Variants in ADCY7 observed in about 807,000 individuals in gnomAD.
ADCY7 encodes adenylate cyclase 7, also known as adenylate cyclase type 7.
Under a neutral mutation model 120.6 loss-of-function variants are expected in ADCY7, and 72 were observed. That is an observed-to-expected ratio of 0.60 (90% CI 0.49 to 0.73). The LOEUF (loss-of-function observed/expected upper bound fraction) is 0.73, where lower values mean the gene tolerates loss of function less well. ADCY7 is among the 30% of genes least tolerant of loss of function. The pLI is 0.00. For synonymous variants in ADCY7, 661 were observed against 628.0 expected, an observed-to-expected ratio of 1.05 and a Z score of -0.78; for missense variants, 1,227 against 1,486.0, an observed-to-expected ratio of 0.83 and a Z score of 2.87.
chr16:50,282,685 C>T (rs1488718797), intron 1 of ADCY7, among the ~76,000 whole-genome samples: 1 of 151,824 alleles, frequency 6.6e-6, no homozygotes, highest in African/African-American at 2.4e-5. Flanking sequence ...GTGATAGGGA[C>T]CCCGGATATC....
chr16:50,311,440 T>A (rs554483422), intron 19 of ADCY7, among the ~76,000 whole-genome samples: 1 of 152,256 alleles, frequency 6.6e-6, no homozygotes, highest in South Asian at 2.1e-4. Context: ...TGGGCTCCCT[T>A]CAGGCCCTCA....
upstream of ADCY7, chr16:50,246,044 C>CCCCGCCCCGGCT (rs1014929682): frequency 6.6e-6 from 1 of 150,474 alleles, no homozygotes; most frequent in Admixed American, 6.6e-5. Context: ...GCCCCCAGCC[C>CCCCGCCCCGGCT]CCCGCCCCGG....
chr16:50,312,044 T>A lies in ADCY7; in HGVS notation c.2457T>A (p.Tyr819Ter). 6.2e-7 allele frequency: 1 copy of A among 1,614,208 alleles called. No homozygotes were observed. The change falls in exon 21 of 26, where the codon TAT becomes TAA. Residue 819 changes from tyrosine to a stop codon, truncating the protein, a stop_gained. Coordinates refer to ENST00000673801, the MANE Select transcript of ADCY7 (RefSeq NM_001114.5). LOFTEE classifies it high-confidence loss of function. ...GTTGCTGCCGTTTGCAGATTGACTA[T>A]TACTGCCGCTTGGACTGCCTATGGA... ...TLLTLSRQID[Y>*]YCRLDCLWKK... is the part of the protein sequence containing the mutation.
rs550250203 is a variant in ADCY7 at position 50,296,770 on chromosome 16, C to T, written c.948+2019C>T. On this transcript the variant is annotated intron_variant, in intron 7 of 25. Transcript: ENST00000673801. ...GAAGAATTTTTCATGATCAGAGCTACTCAATCCCAGGAGGGACTGGAAGTG... is the reference window on the plus strand; with the variant it reads ...GAAGAATTTTTCATGATCAGAGCTATTCAATCCCAGGAGGGACTGGAAGTG... 7.9e-5 allele frequency among the ~76,000 whole-genome samples: 12 copies of T among 152,304 alleles called. No homozygotes were observed. The South Asian group carries it at 2.5e-3, about 32-fold the overall frequency.
intron 1 of ADCY7, among the ~76,000 whole-genome samples, chr16:50,258,198 T>G (rs1219028337): frequency 6.6e-6 from 1 of 152,154 alleles, no homozygotes; most frequent in East Asian, 1.9e-4. Context: ...ACTGCGCCAC[T>G]GCACTCCAGC....
upstream of ADCY7, chr16:50,246,023 G>T (rs1357605277): frequency 2.0e-5 from 3 of 150,760 alleles, no homozygotes; most frequent in East Asian, 2.0e-4. Flanking sequence ...CGGCCTCCTG[G>T]GCGCCCCCCA....
chr16:50,296,566 C>T (rs2035367508), intron 7 of ADCY7, among the ~76,000 whole-genome samples: 1 of 152,140 alleles, frequency 6.6e-6, no homozygotes, highest in African/African-American at 2.4e-5. Flanking sequence ...CCATGTTAGC[C>T]AGGATGGTCT....
At position 50,308,423 on chromosome 16, in the gene ADCY7, G is replaced by C; in HGVS notation, c.1935+12G>C. The stretch of plus-strand genomic sequence containing the variant: ...CCACCAAGTTCTCGGTAAGTGGGGA[G>C]CTCTGGCCCCGCGGGCCCTCCCTCC... On this transcript the variant is annotated intron_variant, in intron 16 of 25. Transcript: ENST00000673801. 2 of 1,614,088 alleles carry C rather than the reference G, an allele frequency of 1.2e-6. No homozygotes were observed. The highest frequency in any genetic ancestry group is 1.7e-6 in the Non-Finnish European group (2 of 1,180,018).
At chr16:50,314,806 C>T (rs1231896375) in intron 24 of ADCY7, 2 of 593,868 alleles carry the variant, frequency 3.4e-6, no homozygotes, top group Non-Finnish European at 5.9e-6. Flanking sequence ...ACCCAGACTT[C>T]TGAGTCTGAA....
intron 4 of ADCY7, 184 bp from the exon 5 acceptor site, chr16:50,292,492 C>T: frequency 1.5e-6 from 1 of 682,180 alleles, no homozygotes; most frequent in Non-Finnish European, 2.4e-6. Flanking sequence ...CCTAGTGACT[C>T]ACTAGGAGAC....
At chr16:50,296,044 ATCAGAGT>A (rs2035329515) in intron 7 of ADCY7, among the ~76,000 whole-genome samples, 1 of 152,198 alleles carries the variant, frequency 6.6e-6, no homozygotes, top group Non-Finnish European at 1.5e-5. Context: ...GTCCACACCC[ATCAGAGT>A]TCTGTTTTGT....
At chr16:50,253,458 C>T (rs1009748655) in intron 1 of ADCY7, among the ~76,000 whole-genome samples, 17 of 152,138 alleles carry the variant, frequency 1.1e-4, no homozygotes, top group African/African-American at 4.1e-4. Flanking sequence ...CACCATGTTG[C>T]CCAGGCTGGT....
Position 50,311,841 on chromosome 16 carries a change from C to T in ADCY7, c.2448+55C>T, listed in dbSNP as rs2036499458. The stretch of plus-strand genomic sequence containing the variant: ...AAGCTCTGCCCACTTTTCCTCACCT[C>T]CATCTGGAGATGGGGTGGGGTGGGG... On this transcript the variant is annotated intron_variant, in intron 20 of 25. Coordinates refer to ENST00000673801, the MANE Select transcript of ADCY7 (RefSeq NM_001114.5). 5 of 1,367,398 alleles carry T rather than the reference C, an allele frequency of 3.7e-6. No homozygotes were observed. In the East Asian group the frequency reaches 1.2e-4, roughly 33 times the overall value. 84.7% of individuals were successfully genotyped at this position (1,367,398 alleles called of 1,614,324 possible).
Position 50,310,812 on chromosome 16 carries a change from C to T in ADCY7, c.2286C>T (p.Ser762=). The T allele has an allele frequency of 1.9e-6, 3 of 1,614,008 alleles. No homozygotes were observed. Among genetic ancestry groups the T allele is most frequent in the Non-Finnish European group, 2.5e-6 (3 of 1,179,950 alleles). The part of the protein sequence containing the change: ...LVAYLVLFNL[S]PCWQWDCCGQ... ...CCTACCTGGTGCTCTTCAACCTCTC[C>T]CCATGCTGGCAGTGGGACTGCTGCG... The change falls in exon 19 of 26, where the codon TCC becomes TCT. Residue 762 remains serine, a synonymous_variant. Transcript: ENST00000673801.
chr16:50,271,701 C>T (rs2033585680), intron 1 of ADCY7, among the ~76,000 whole-genome samples: 1 of 152,174 alleles, frequency 6.6e-6, no homozygotes, highest in African/African-American at 2.4e-5. Context: ...TCTCCTGCCC[C>T]TTTCCTGCCC....
At chr16:50,261,712 C>T (rs1166944847), upstream of ADCY7, among the ~76,000 whole-genome samples, 3 of 152,164 alleles carry the variant, frequency 2.0e-5, no homozygotes, top group Admixed American at 6.5e-5. Context: ...GGTCCCCTAG[C>T]TCCGCCAAAG....
chr16:50,302,434 G>A (rs1293850858), intron 10 of ADCY7, among the ~76,000 whole-genome samples: 1 of 152,194 alleles, frequency 6.6e-6, no homozygotes, highest in Non-Finnish European at 1.5e-5. Flanking sequence ...GCCAGGTTGA[G>A]CAGGGAAAAC....
chr16:50,312,761 C>T (rs1196489305), intron 21 of ADCY7, 129 bp from the exon 22 acceptor site: 10 of 719,200 alleles, frequency 1.4e-5, no homozygotes, highest in Middle Eastern at 5.0e-4. Flanking sequence ...TCATGCAGCC[C>T]GCCCCCCTCC....
At chr16:50,305,398 C>T in intron 12 of ADCY7, 105 bp from the exon 13 acceptor site, 2 of 984,420 alleles carry the variant, frequency 2.0e-6, no homozygotes, top group South Asian at 1.4e-5. Flanking sequence ...CCTTCACCAT[C>T]CCACCTGAGG....
Sources: gnomAD v4.1 joint callset for allele counts (sites outside exome capture counted in the v4.1 genomes callset) on GRCh38, gnomAD v4.1.1 for gene constraint, MANE v1.5 for transcripts, NCBI Gene and HGNC (gene_info 2026-07-23, HGNC 2026-07-21) for gene names.